Variants in EYA3 observed in about 807,000 individuals in gnomAD.
EYA3 encodes the protein protein phosphatase EYA3.
EYA3 carries 39 observed loss-of-function variants against 80.0 expected under a neutral mutation model. That is an observed-to-expected ratio of 0.49 (90% confidence interval 0.38 to 0.64). The LOEUF (loss-of-function observed/expected upper bound fraction) is 0.64. EYA3 is among the 30% of genes least tolerant of loss of function. The pLI is 0.00. For synonymous variants in EYA3, 206 were observed against 232.8 expected (o/e 0.88, Z 1.05); for missense variants, 523 against 676.1 (o/e 0.77, Z 2.51).
chr1:27,989,822 A>G lies in EYA3; in HGVS notation c.1304-11T>C. The G allele has an allele frequency of 2.6e-6, 4 of 1,518,852 alleles. No homozygotes were observed. Among genetic ancestry groups the G allele is most frequent in the Non-Finnish European group, 3.6e-6 (4 of 1,108,342 alleles). The allele number at this position is 1,518,852 out of a possible 1,614,324, so 94.1% of individuals were successfully genotyped here. A position where few individuals can be genotyped will look rare whatever the true frequency, so the allele number is the denominator to read the frequency against. On this transcript the variant is annotated splice_polypyrimidine_tract_variant and intron_variant, in intron 14 of 17. Coordinates refer to ENST00000373871, the MANE Select transcript of EYA3 (RefSeq NM_001990.4). ...GGGGACTGAGGAGACCTTTAGGAATAAAAGCAGACACATTTATCATTTGAC... is the reference window on the plus strand; with the variant it reads ...GGGGACTGAGGAGACCTTTAGGAATGAAAGCAGACACATTTATCATTTGAC...
At chr1:28,039,761 A>C (rs998193026) in intron 4 of EYA3, among the ~76,000 whole-genome samples, 1 of 152,136 alleles carries the variant, frequency 6.6e-6, no homozygotes, top group Non-Finnish European at 1.5e-5. Flanking sequence ...ACAAATCAAC[A>C]CCTGTGAGTT....
chr1:28,052,778 C>A lies in EYA3; in HGVS notation c.34-4352G>T, dbSNP rs1217741830. ...CCAAGATGGTGAAACCCCATCTCTA[C>A]TAAAAATACAAAAATTAGCCAGGTG... is the stretch of plus-strand genomic sequence containing the variant. On this transcript the variant is annotated intron_variant, in intron 2 of 17. Transcript: ENST00000373871. Among the ~76,000 whole-genome samples, 2 of 152,002 alleles carry A rather than the reference C, an allele frequency of 1.3e-5. 1 individual carries two copies. The highest frequency in any genetic ancestry group is 4.2e-4 in the South Asian group (2 of 4,796).
Position 28,060,207 on chromosome 1 carries a change from T to C in EYA3, c.-68-2113A>G, listed in dbSNP as rs1395186523. ...TCTGATAGGAGGAAGGTAAGAATAA[T>C]TGTTAAAAAATATTTATGTGTATAC... On this transcript the variant is annotated intron_variant, in intron 1 of 17. Transcript: ENST00000373871. Among the ~76,000 whole-genome samples, 5 of 152,222 alleles carry C rather than the reference T, an allele frequency of 3.3e-5. No individual in the cohort carries two copies. In the East Asian group the frequency reaches 9.6e-4, roughly 29 times the overall value.
At chr1:28,018,152 C>T (rs906234579) in intron 7 of EYA3, among the ~76,000 whole-genome samples, 5 of 151,156 alleles carry the variant, frequency 3.3e-5, no homozygotes, top group African/African-American at 1.2e-4. Context: ...GCCAAAATCG[C>T]ATGACTGCAC....
intron 1 of EYA3, among the ~76,000 whole-genome samples, chr1:28,066,700 T>C (rs745725806): frequency 3.9e-5 from 6 of 151,902 alleles, no homozygotes; most frequent in African/African-American, 1.5e-4. Flanking sequence ...TTATGTAAAA[T>C]AAACTTTCAT....
chr1:28,014,246 C>T (rs1352531682), intron 8 of EYA3, among the ~76,000 whole-genome samples: 4 of 150,764 alleles, frequency 2.7e-5, no homozygotes, highest in African/African-American at 7.3e-5. Flanking sequence ...GTGAGACCTT[C>T]TCTCTACTAA....
chr1:27,986,194 C>T (rs375203746), intron 16 of EYA3, among the ~76,000 whole-genome samples: 3 of 151,542 alleles, frequency 2.0e-5, no homozygotes, highest in African/African-American at 4.8e-5. Flanking sequence ...AGTGAAACCC[C>T]GTCTCTACTA....
At chr1:27,999,141 C>A (rs938817657) in intron 12 of EYA3, among the ~76,000 whole-genome samples, 8 of 152,196 alleles carry the variant, frequency 5.3e-5, no homozygotes, top group Non-Finnish European at 4.4e-5. Context: ...TACTACACAG[C>A]TCAAAATTCA....
At chr1:27,976,843 G>A (rs1006475631) in intron 17 of EYA3, 18 of 184,564 alleles carry the variant, frequency 9.8e-5, no homozygotes, top group East Asian at 1.9e-4. Context: ...TCAGCCTCCC[G>A]AGTAGCTGGG....
In EYA3 at chr1:28,062,787, G is replaced by A. The variant is rs941445228; in HGVS notation, c.-68-4693C>T. Among the ~76,000 whole-genome samples the A allele has an allele frequency of 3.3e-5, 5 of 151,864 alleles. No homozygotes were observed. The East Asian group carries it at 5.8e-4, about 18-fold the overall frequency. ...AGGCCAAAGCAGGCGGATCACTTGA[G>A]GTCAGGAGTTTCAAACTAGCCTGGC... On this transcript the variant is annotated intron_variant, in intron 1 of 17. Coordinates refer to ENST00000373871, the MANE Select transcript of EYA3 (RefSeq NM_001990.4).
In EYA3 at chr1:28,057,999, G is replaced by T; in HGVS notation, c.28C>A (p.Gln10Lys). The change falls in exon 2 of 18, where the codon CAA becomes AAA. Residue 10 changes from glutamine to lysine, a missense_variant. Gln to Lys is a moderately conservative substitution (Grantham distance 53, BLOSUM62 1). Coordinates refer to ENST00000373871, the MANE Select transcript of EYA3 (RefSeq NM_001990.4). MEEEQDLPE[Q>K]PVKKAKMQES... ...CTGTTAAAGGAAATACTTACTGGTT[G>T]CTCTGGTAAATCTTGCTCTTCTTCC... 1 of 1,582,738 alleles carries T rather than the reference G, an allele frequency of 6.3e-7. No homozygotes were observed. Among genetic ancestry groups the T allele is most frequent in the Non-Finnish European group, 8.6e-7 (1 of 1,159,054 alleles).
At chr1:28,022,849 T>C (rs1250495268) in intron 7 of EYA3, among the ~76,000 whole-genome samples, 1 of 152,114 alleles carries the variant, frequency 6.6e-6, no homozygotes, top group Non-Finnish European at 1.5e-5. Flanking sequence ...CCCAAGTAGC[T>C]GGGACTACAG....
chr1:28,086,727 G>A (rs1183011251), intron 1 of EYA3, among the ~76,000 whole-genome samples: 1 of 152,154 alleles, frequency 6.6e-6, no homozygotes, highest in Non-Finnish European at 1.5e-5. Flanking sequence ...CATACACATT[G>A]GGGTTTGTTT....
At chr1:28,032,760 T>C (rs902510118) in intron 6 of EYA3, among the ~76,000 whole-genome samples, 6 of 152,214 alleles carry the variant, frequency 3.9e-5, no homozygotes, top group Admixed American at 3.3e-4. Flanking sequence ...ACTCATCATA[T>C]AGCCTTCTTA....
chr1:28,080,944 C>T (rs1056381827), intron 1 of EYA3, among the ~76,000 whole-genome samples: 3 of 151,514 alleles, frequency 2.0e-5, no homozygotes, highest in Non-Finnish European at 2.9e-5. Context: ...TTGGTAGAGA[C>T]GGGGTTTCAC....
chr1:28,018,347 T>C lies in EYA3; in HGVS notation c.500-1108A>G, dbSNP rs192549498. 8.5e-4 allele frequency among the ~76,000 whole-genome samples: 130 copies of C among 152,358 alleles called. 2 individuals carry two copies. The highest frequency in any genetic ancestry group is 3.0e-3 in the African/African-American group (124 of 41,594). ...ACTAGGGTTTTAATCAAAATCTCAA[T>C]GACTAGCACTAACCAGTGACTTTTC... On this transcript the variant is annotated intron_variant, in intron 7 of 17. Coordinates refer to ENST00000373871, the MANE Select transcript of EYA3 (RefSeq NM_001990.4).
At chr1:28,029,013 A>T (rs1314477108) in intron 6 of EYA3, among the ~76,000 whole-genome samples, 1 of 152,178 alleles carries the variant, frequency 6.6e-6, no homozygotes. Flanking sequence ...AGCCACTGCC[A>T]GCCAAGGACT....
intron 7 of EYA3, among the ~76,000 whole-genome samples, chr1:28,023,546 C>T (rs954034263): frequency 2.6e-5 from 4 of 152,106 alleles, no homozygotes; most frequent in Admixed American, 2.0e-4. Context: ...ATAACCCCAG[C>T]GTAATAATGA....
At chr1:28,000,731 C>T (rs1227742593) in intron 11 of EYA3, among the ~76,000 whole-genome samples, 1 of 152,144 alleles carries the variant, frequency 6.6e-6, no homozygotes, top group African/African-American at 2.4e-5. Context: ...GAATTCTAGA[C>T]TAGCTGGGGC....
Sources: gnomAD v4.1 joint callset for allele counts (sites outside exome capture counted in the v4.1 genomes callset) on GRCh38, gnomAD v4.1.1 for gene constraint, MANE v1.5 for transcripts, NCBI Gene and HGNC (gene_info 2026-07-23, HGNC 2026-07-21) for gene names.